CDH13: variants seen among roughly 807,000 people sequenced by gnomAD.
The protein encoded by CDH13 is cadherin-13.
A neutral mutation model predicts 63.8 loss-of-function variants in CDH13; 24 were observed. The ratio of observed to expected loss-of-function variants is 0.38; its 90% CI spans 0.27 to 0.53. The LOEUF (loss-of-function observed/expected upper bound fraction) is 0.53, where lower values mean the gene tolerates loss of function less well. CDH13 is among the 20% of genes least tolerant of loss of function. The pLI is 0.85. For synonymous variants in CDH13, 503 were observed against 355.3 expected (o/e 1.42, Z -4.67); for missense variants, 1,049 against 903.1 (o/e 1.16, Z -2.07).
chr16:83,660,458 G>A (rs1382982057), intron 8 of CDH13, among the ~76,000 whole-genome samples: 1 of 152,126 alleles, frequency 6.6e-6, no homozygotes, highest in Non-Finnish European at 1.5e-5. Flanking sequence ...ACAGGAGGTG[G>A]AGCTCAGGTG....
chr16:83,124,395 C>G (rs567167977), intron 3 of CDH13, among the ~76,000 whole-genome samples: 6 of 152,238 alleles, frequency 3.9e-5, no homozygotes, highest in African/African-American at 1.4e-4. Context: ...CTTGTAAATT[C>G]TGGATAATAG....
At chr16:82,921,387 C>T (rs1246039413) in intron 2 of CDH13, among the ~76,000 whole-genome samples, 1 of 152,112 alleles carries the variant, frequency 6.6e-6, no homozygotes, top group Non-Finnish European at 1.5e-5. Flanking sequence ...CTTCAAGTAT[C>T]CCTTTTCTCT....
At chr16:83,199,077 C>G (rs2038954079) in intron 4 of CDH13, among the ~76,000 whole-genome samples, 1 of 152,160 alleles carries the variant, frequency 6.6e-6, no homozygotes, top group African/African-American at 2.4e-5. Flanking sequence ...TGGCAGCTTA[C>G]AAATGGGCCC....
chr16:83,250,724 A>T lies in CDH13; in HGVS notation c.636+33227A>T, dbSNP rs150075246. On this transcript the variant is annotated intron_variant, in intron 5 of 13. Transcript: ENST00000567109. ...GGAAAGCAGGACCCAGATGATACAG[A>T]GTCTCAGAGGTTATGAGTTGGGATT... is the stretch of plus-strand genomic sequence containing the variant. Among the ~76,000 whole-genome samples, 341 of 152,326 alleles carry T rather than the reference A, an allele frequency of 2.2e-3. 2 individuals are homozygous for T. The highest frequency in any genetic ancestry group is 3.9e-3 in the Non-Finnish European group (265 of 68,032).
intron 8 of CDH13, among the ~76,000 whole-genome samples, chr16:83,656,458 G>C (rs139653856): frequency 1.1e-4 from 16 of 152,262 alleles, no homozygotes; most frequent in African/African-American, 3.9e-4. Flanking sequence ...ACAGGGCAGA[G>C]TCCAGGGTTG....
chr16:82,970,240 C>T (rs1405872350), intron 2 of CDH13, among the ~76,000 whole-genome samples: 4 of 152,148 alleles, frequency 2.6e-5, no homozygotes, highest in African/African-American at 9.7e-5. Flanking sequence ...CATCCGTGAT[C>T]CTGCAAAAGA....
intron 6 of CDH13, among the ~76,000 whole-genome samples, chr16:83,471,892 G>T (rs943280432): frequency 3.7e-4 from 57 of 152,148 alleles, no homozygotes; most frequent in African/African-American, 1.3e-3. Flanking sequence ...GAGTTAAAAT[G>T]GTGATTGTCT....
chr16:82,792,477 C>G (rs2036361111), intron 1 of CDH13, among the ~76,000 whole-genome samples: 1 of 152,176 alleles, frequency 6.6e-6, no homozygotes, highest in South Asian at 2.1e-4. Flanking sequence ...ATACACAATT[C>G]AGTACAATTC....
At position 83,293,877 on chromosome 16, in the gene CDH13, C is replaced by A. The variant is rs565275409; in HGVS notation, c.637-50985C>A. Reference sequence around the variant, plus strand: ...AGAGCCATAATCTCTAAGGGCTTCACTGTTTACCAGGAATTATACTATGCC... The same window carrying A: ...AGAGCCATAATCTCTAAGGGCTTCAATGTTTACCAGGAATTATACTATGCC... On this transcript the variant is annotated intron_variant, in intron 5 of 13. Transcript: ENST00000567109. 1.6e-3 allele frequency among the ~76,000 whole-genome samples: 249 copies of A among 152,312 alleles called. 1 individual carries two copies. Among genetic ancestry groups the A allele is most frequent in the African/African-American group, 5.8e-3 (240 of 41,574 alleles).
chr16:83,616,300 C>G (rs1339067917), intron 8 of CDH13, among the ~76,000 whole-genome samples: 2 of 152,106 alleles, frequency 1.3e-5, no homozygotes, highest in East Asian at 3.9e-4. Context: ...CAAGTCACTC[C>G]TAAAGGTAGA....
intron 1 of CDH13, among the ~76,000 whole-genome samples, chr16:82,738,681 TTC>T (rs1275905747): frequency 1.3e-5 from 2 of 152,248 alleles, no homozygotes; most frequent in South Asian, 2.1e-4. Flanking sequence ...TTTCCTAGAA[TTC>T]TCTCTTTCTC....
chr16:82,912,118 A>G (rs1413253783), intron 2 of CDH13, among the ~76,000 whole-genome samples: 1 of 152,072 alleles, frequency 6.6e-6, no homozygotes, highest in Admixed American at 6.6e-5. Context: ...ACCTGTGGGA[A>G]CAGCAGCTTT....
chr16:83,354,569 A>G (rs1349726052), intron 6 of CDH13, among the ~76,000 whole-genome samples: 1 of 152,218 alleles, frequency 6.6e-6, no homozygotes. Context: ...AAAACAAGGT[A>G]CATTGTTTTA....
chr16:82,663,032 C>T (rs1240159611), intron 1 of CDH13, among the ~76,000 whole-genome samples: 1 of 152,174 alleles, frequency 6.6e-6, no homozygotes, highest in Non-Finnish European at 1.5e-5. Context: ...CTACATGTAG[C>T]AGGCCAGAAA....
chr16:83,442,730 G>A (rs2151497353), intron 6 of CDH13, among the ~76,000 whole-genome samples: 1 of 152,350 alleles, frequency 6.6e-6, no homozygotes, highest in African/African-American at 2.4e-5. Context: ...ATTGGGAACA[G>A]TGATATCAGA....
At chr16:83,471,030 C>T (rs573019420) in intron 6 of CDH13, among the ~76,000 whole-genome samples, 3 of 152,152 alleles carry the variant, frequency 2.0e-5, no homozygotes, top group Non-Finnish European at 2.9e-5. Context: ...AGCAGTGTGG[C>T]GTCTCCAGAT....
chr16:83,575,275 T>G (rs547122218), intron 7 of CDH13, among the ~76,000 whole-genome samples: 19 of 152,332 alleles, frequency 1.2e-4, no homozygotes, highest in Admixed American at 1.2e-3. Flanking sequence ...AACAATTGAA[T>G]TGTACACTTT....
intron 2 of CDH13, among the ~76,000 whole-genome samples, chr16:82,932,572 G>T (rs560650462): frequency 7.9e-5 from 12 of 152,158 alleles, no homozygotes; most frequent in Admixed American, 3.3e-4. Context: ...GATCTAGCCC[G>T]TCCAGTGAGG....
chr16:82,692,838 C>T (rs148129823), intron 1 of CDH13, among the ~76,000 whole-genome samples: 1 of 152,116 alleles, frequency 6.6e-6, no homozygotes, highest in African/African-American at 2.4e-5. Flanking sequence ...TGGTAGGCAG[C>T]TTCTAAGTGA....
Sources: gnomAD v4.1 joint callset for allele counts (sites outside exome capture counted in the v4.1 genomes callset) on GRCh38, gnomAD v4.1.1 for gene constraint, MANE v1.5 for transcripts, NCBI Gene and HGNC (gene_info 2026-07-23, HGNC 2026-07-21) for gene names.